The following SYT17 variants were observed in gnomAD, a reference collection of about 807,000 sequenced individuals.
SYT17 encodes the protein synaptotagmin 17.
A neutral mutation model predicts 46.7 loss-of-function variants in SYT17; 22 were observed. The ratio of observed to expected loss-of-function variants is 0.47; its 90% CI spans 0.34 to 0.67. SYT17 has a LOEUF of 0.67. Ranked by LOEUF, SYT17 falls within the 30% of genes least tolerant of loss-of-function variation. The pLI is 0.01. For missense variants in SYT17, 519 were observed against 612.8 expected (o/e 0.85, Z 1.62); for synonymous variants, 251 against 248.4 (o/e 1.01, Z -0.10).
At position 19,267,244 on chromosome 16, in the gene SYT17, A is replaced by ATTTGGGGT; in HGVS notation, c.*168_*169insTTTGGGGT. On this transcript the variant is annotated 3_prime_UTR_variant, in exon 8 of 8. Transcript: ENST00000355377. ...CCCAAATCCTCTCAGAACTGAGAGG[A>ATTTGGGGT]AGCTGACTATTGATCACAAAATGGC... 1.6e-6 allele frequency: 1 copy of ATTTGGGGT among 621,446 alleles called. No individual in the cohort carries two copies. The highest frequency in any genetic ancestry group is 3.0e-5 in the East Asian group (1 of 33,448). The allele number at this position is 621,446 out of a possible 1,614,324, so 38.5% of individuals were successfully genotyped here.
chr16:19,204,962 A>G (rs1965608976), intron 5 of SYT17, among the ~76,000 whole-genome samples: 1 of 152,104 alleles, frequency 6.6e-6, no homozygotes, highest in Non-Finnish European at 1.5e-5. Context: ...GCCTACACTC[A>G]TCAGCAAATC....
At chr16:19,182,623 C>T (rs1206284649) in intron 4 of SYT17, among the ~76,000 whole-genome samples, 2 of 152,154 alleles carry the variant, frequency 1.3e-5, no homozygotes, top group African/African-American at 2.4e-5. Context: ...TATCAGAGTA[C>T]CTCCCATGCC....
chr16:19,264,846 A>G (rs1969255286), intron 7 of SYT17, among the ~76,000 whole-genome samples: 1 of 152,138 alleles, frequency 6.6e-6, no homozygotes. Flanking sequence ...CACCTGCCTC[A>G]GCCTCCCAAA....
At chr16:19,199,033 G>A (rs141597643) in intron 5 of SYT17, among the ~76,000 whole-genome samples, 1 of 152,320 alleles carries the variant, frequency 6.6e-6, no homozygotes, top group African/African-American at 2.4e-5. Context: ...AGAACATGAA[G>A]GGCTTTGTTC....
At chr16:19,191,440 A>G (rs1175993380) in intron 5 of SYT17, among the ~76,000 whole-genome samples, 2 of 152,176 alleles carry the variant, frequency 1.3e-5, no homozygotes, top group Non-Finnish European at 2.9e-5. Context: ...GGTCCCATCT[A>G]TGAGGAATGG....
Position 19,184,081 on chromosome 16 carries a change from G to A in SYT17, c.885G>A (p.Val295=), listed in dbSNP as rs746382831. ...ACTGTGTCATTGGGAAAGTTTCTGTGCCTTTGTGTGAAGTTGACCTGGTCA... is the reference window on the plus strand; with the variant it reads ...ACTGTGTCATTGGGAAAGTTTCTGTACCTTTGTGTGAAGTTGACCTGGTCA... ...SRHCVIGKVS[V]PLCEVDLVKG... is the part of the protein sequence containing the mutation. The change falls in exon 5 of 8, where the codon GTG becomes GTA. Residue 295 remains valine (V), a synonymous_variant. Transcript: ENST00000355377. 2 of 1,614,230 alleles carry A rather than the reference G, an allele frequency of 1.2e-6. No individual in the cohort carries two copies. Among genetic ancestry groups the A allele is most frequent in the Admixed American group, 3.3e-5 (2 of 60,022 alleles).
chr16:19,213,455 C>T (rs938607561), intron 5 of SYT17, among the ~76,000 whole-genome samples: 2 of 152,110 alleles, frequency 1.3e-5, no homozygotes, highest in African/African-American at 4.8e-5. Flanking sequence ...AGATAAGGAC[C>T]AGTGGAAGAG....
At chr16:19,173,381 C>A in intron 2 of SYT17, 49 bp from the exon 3 acceptor site, 1 of 398,526 alleles carries the variant, frequency 2.5e-6, no homozygotes, top group Non-Finnish European at 4.5e-6. Flanking sequence ...CCACCCTGCC[C>A]ACCTCCCCTC....
chr16:19,191,489 G>A (rs140455119), intron 5 of SYT17, among the ~76,000 whole-genome samples: 1 of 152,272 alleles, frequency 6.6e-6, no homozygotes, highest in Admixed American at 6.5e-5. Context: ...GCTTGATCTT[G>A]GACTTCCCAG....
rs1337882245 is a variant in SYT17 at position 19,251,908 on chromosome 16, C to T, written c.1229-14972C>T. Reference sequence around the variant, plus strand: ...CCTATTGATCTTTAAGGGATGTTACCGCTGTTCAAAACATGTTTGAGCTGA... The same window carrying T: ...CCTATTGATCTTTAAGGGATGTTACTGCTGTTCAAAACATGTTTGAGCTGA... On this transcript the variant is annotated intron_variant, in intron 7 of 7. Transcript: ENST00000355377. Among the ~76,000 whole-genome samples, 4 of 152,152 alleles carry T rather than the reference C, an allele frequency of 2.6e-5. 1 individual carries two copies. Among genetic ancestry groups the T allele is most frequent in the South Asian group, 4.2e-4 (2 of 4,812 alleles).
At chr16:19,198,209 C>T (rs1026689384) in intron 5 of SYT17, among the ~76,000 whole-genome samples, 1 of 152,190 alleles carries the variant, frequency 6.6e-6, no homozygotes, top group Admixed American at 6.5e-5. Context: ...GTTAGAACCT[C>T]TGCCCACCCC....
chr16:19,174,297 G>A (rs1049190414), intron 3 of SYT17, among the ~76,000 whole-genome samples: 1 of 152,188 alleles, frequency 6.6e-6, no homozygotes, highest in Admixed American at 6.5e-5. Context: ...CCACCTCTCC[G>A]TGACTGAGAG....
intron 7 of SYT17, among the ~76,000 whole-genome samples, chr16:19,259,751 G>A (rs1968831078): frequency 6.6e-6 from 1 of 151,824 alleles, no homozygotes; most frequent in Non-Finnish European, 1.5e-5. Flanking sequence ...GATGACTAGG[G>A]TACACTTAGA....
chr16:19,189,782 C>G lies in SYT17; in HGVS notation c.951+5635C>G, dbSNP rs76936399. 5.6e-3 allele frequency among the ~76,000 whole-genome samples: 850 copies of G among 152,302 alleles called. 6 individuals are homozygous for G. Among genetic ancestry groups the G allele is most frequent in the African/African-American group, 0.02 (813 of 41,570 alleles). ...AGCTATTCAATTTCTTACTTTTAGC[C>G]TATTCTAATGGTGTGTGGAGTTGAG... On this transcript the variant is annotated intron_variant, in intron 5 of 7. Coordinates refer to ENST00000355377, the MANE Select transcript of SYT17 (RefSeq NM_016524.4).
chr16:19,210,368 C>T (rs1427101028), intron 5 of SYT17, among the ~76,000 whole-genome samples: 2 of 152,100 alleles, frequency 1.3e-5, no homozygotes, highest in Non-Finnish European at 2.9e-5. Flanking sequence ...TGCCCAGCCC[C>T]AAACATTGAA....
intron 5 of SYT17, chr16:19,211,390 T>C: frequency 1.4e-6 from 1 of 703,626 alleles, no homozygotes; most frequent in Non-Finnish European, 2.6e-6. Flanking sequence ...TTGGATTTGT[T>C]TCTGGTGCTG....
intron 7 of SYT17, among the ~76,000 whole-genome samples, chr16:19,260,471 C>G (rs928766096): frequency 1.6e-5 from 2 of 127,418 alleles, no homozygotes; most frequent in Non-Finnish European, 3.1e-5. Context: ...GATCATGCCA[C>G]TGCACCTGGG....
Position 19,176,157 on chromosome 16 carries a change from T to G in SYT17, c.182+2579T>G, listed in dbSNP as rs542690749. The stretch of plus-strand genomic sequence containing the variant: ...AGAGCCTTTCTCTCTCTCTCTTTCT[T>G]TCTCTGTTTCTTCTGTATTGGCCTC... On this transcript the variant is annotated intron_variant, in intron 3 of 7. Transcript: ENST00000355377. Among the ~76,000 whole-genome samples, 20 of 152,324 alleles carry G rather than the reference T, an allele frequency of 1.3e-4. No homozygotes were observed. In the East Asian group the frequency reaches 2.1e-3, roughly 16 times the overall value.
chr16:19,173,622 C>A (rs763653834), intron 3 of SYT17, 44 bp downstream of exon 3: 28 of 1,598,014 alleles, frequency 1.8e-5, no homozygotes, highest in Non-Finnish European at 2.2e-5. Flanking sequence ...AATTTCAAGA[C>A]TTTTCCTTTT....
Sources: allele counts gnomAD v4.1 joint callset (sites outside exome capture counted in the v4.1 genomes callset), GRCh38; gene constraint gnomAD v4.1.1; transcripts MANE v1.5; gene names NCBI Gene and HGNC (gene_info 2026-07-23, HGNC 2026-07-21).